Variants in ANGPT1 observed in about 807,000 individuals in gnomAD.
ANGPT1 encodes angiopoietin 1, also known as angiopoietin-1.
Under a neutral mutation model 62.2 loss-of-function variants are expected in ANGPT1, and 17 were observed. The observed-to-expected ratio is 0.27, with a 90% CI of 0.19 to 0.41. The LOEUF is 0.41. Ranked by LOEUF, ANGPT1 falls within the 10% of genes least tolerant of loss-of-function variation. The pLI is 1.00. For synonymous variants in ANGPT1, 199 were observed against 198.9 expected, an observed-to-expected ratio of 1.00 and a Z score of 0.00; for missense variants, 478 against 594.9, an observed-to-expected ratio of 0.80 and a Z score of 2.04.
At position 107,293,796 on chromosome 8, in the gene ANGPT1, T is replaced by C. The variant is rs59942412; in HGVS notation, c.1038+140A>G. On this transcript the variant is annotated intron_variant, in intron 6 of 8. Transcript: ENST00000517746. Reference sequence around the variant, plus strand: ...AAGTGATTTATGAGTGTTTTGTGTCTAATGAAAATAATACTAATGTATCAT... The same window carrying C: ...AAGTGATTTATGAGTGTTTTGTGTCCAATGAAAATAATACTAATGTATCAT... 1,516 of 605,250 alleles carry C rather than the reference T, an allele frequency of 2.5e-3. 16 individuals are homozygous for C. Among genetic ancestry groups the C allele is most frequent in the African/African-American group, 0.025 (1,318 of 52,848 alleles). 37.5% of individuals were successfully genotyped at this position (605,250 alleles called of 1,614,324 possible).
chr8:107,419,767 C>T (rs1256269538), intron 1 of ANGPT1, among the ~76,000 whole-genome samples: 1 of 151,976 alleles, frequency 6.6e-6, no homozygotes, highest in African/African-American at 2.4e-5. Flanking sequence ...TCAACCCAGC[C>T]AAAGCTTTGG....
chr8:107,392,447 T>A (rs1440731764), intron 1 of ANGPT1, among the ~76,000 whole-genome samples: 1 of 152,180 alleles, frequency 6.6e-6, no homozygotes, highest in East Asian at 1.9e-4. Flanking sequence ...ATAATAAGGA[T>A]GAGCTCCTGC....
At chr8:107,486,647 C>T (rs1812823150) in intron 1 of ANGPT1, among the ~76,000 whole-genome samples, 1 of 152,126 alleles carries the variant, frequency 6.6e-6, no homozygotes, top group Non-Finnish European at 1.5e-5. Flanking sequence ...ACTATTATCA[C>T]CTCAATTTCA....
chr8:107,352,867 A>G (rs886859133), intron 1 of ANGPT1, among the ~76,000 whole-genome samples: 1 of 152,170 alleles, frequency 6.6e-6, no homozygotes, highest in Non-Finnish European at 1.5e-5. Flanking sequence ...AAAACAATGC[A>G]AAAAATGCCT....
At chr8:107,454,883 G>A (rs1329606561) in intron 1 of ANGPT1, among the ~76,000 whole-genome samples, 1 of 152,030 alleles carries the variant, frequency 6.6e-6, no homozygotes, top group East Asian at 1.9e-4. Flanking sequence ...CAAACAATGG[G>A]AGATCTGTCT....
At chr8:107,424,881 A>C (rs891259153) in intron 1 of ANGPT1, among the ~76,000 whole-genome samples, 11 of 152,194 alleles carry the variant, frequency 7.2e-5, no homozygotes, top group African/African-American at 2.2e-4. Flanking sequence ...TTTTTTAAAA[A>C]AATATTTTTC....
Position 107,249,967 on chromosome 8 carries a change from A to G in ANGPT1, c.*1888T>C, listed in dbSNP as rs1813212224. 1 of 152,626 alleles carries G rather than the reference A, an allele frequency of 6.6e-6. No homozygotes were observed. 9.5% of individuals were successfully genotyped at this position (152,626 alleles called of 1,614,324 possible). On this transcript the variant is annotated 3_prime_UTR_variant, in exon 9 of 9. Transcript: ENST00000517746. ...AAGCCACCAAGAATAGAAAAATGGT[A>G]TAATACCTGCAAATATCACTTGTAA...
At chr8:107,264,491 A>T in intron 7 of ANGPT1, 140 bp from the exon 8 acceptor site, 1 of 1,038,808 alleles carries the variant, frequency 9.6e-7, no homozygotes, top group Non-Finnish European at 1.4e-6. Context: ...CCTCTAGGAG[A>T]CCCAAGCTAT....
chr8:107,413,056 T>C (rs1224816811), intron 1 of ANGPT1, among the ~76,000 whole-genome samples: 1 of 152,222 alleles, frequency 6.6e-6, no homozygotes, highest in African/African-American at 2.4e-5. Flanking sequence ...TGGCTTATGA[T>C]GTAACTAAGA....
intron 4 of ANGPT1, among the ~76,000 whole-genome samples, chr8:107,304,133 T>C (rs1403204065): frequency 6.6e-6 from 1 of 151,308 alleles, no homozygotes; most frequent in African/African-American, 2.4e-5. Flanking sequence ...GGTGAAAGAG[T>C]CACAGTAAAC....
chr8:107,371,557 CTT>C (rs1469315169), intron 1 of ANGPT1, among the ~76,000 whole-genome samples: 5 of 147,364 alleles, frequency 3.4e-5, no homozygotes, highest in South Asian at 2.2e-4. Flanking sequence ...TCCCCTCTCT[CTT>C]GGTGCTGAGC....
In ANGPT1 at chr8:107,461,564, C is replaced by T. The variant is rs1260413451; in HGVS notation, c.297+35698G>A. 2.5e-4 allele frequency among the ~76,000 whole-genome samples: 34 copies of T among 136,430 alleles called. No individual in the cohort carries two copies. The Admixed American group carries it at 2.5e-3, about 10-fold the overall frequency. The allele number at this position is 136,430 out of a possible 152,430, so 89.5% of individuals were successfully genotyped here. A position where few individuals can be genotyped will look rare whatever the true frequency, so the allele number is the denominator to read the frequency against. On this transcript the variant is annotated intron_variant, in intron 1 of 8. Coordinates refer to ENST00000517746, the MANE Select transcript of ANGPT1 (RefSeq NM_001146.5). ...ATAATAATGACACAACCACTGGTGT[C>T]CTAGAATGTCCTAGAATCAATAAAT...
chr8:107,378,517 T>A (rs1461315351), intron 1 of ANGPT1, among the ~76,000 whole-genome samples: 1 of 152,174 alleles, frequency 6.6e-6, no homozygotes, highest in Non-Finnish European at 1.5e-5. Flanking sequence ...CATATATACC[T>A]AACTATACTC....
chr8:107,269,658 C>T (rs1160320490), intron 7 of ANGPT1, among the ~76,000 whole-genome samples: 3 of 151,752 alleles, frequency 2.0e-5, no homozygotes, highest in Non-Finnish European at 4.4e-5. Flanking sequence ...AAGATAAAAA[C>T]AAAATGTTCC....
chr8:107,354,871 T>A (rs536229491), intron 1 of ANGPT1, among the ~76,000 whole-genome samples: 1 of 152,078 alleles, frequency 6.6e-6, no homozygotes, highest in South Asian at 2.1e-4. Context: ...CCTTGATTAG[T>A]CTTTTCCTTC....
At chr8:107,487,672 G>A (rs1230778548) in intron 1 of ANGPT1, among the ~76,000 whole-genome samples, 1 of 151,998 alleles carries the variant, frequency 6.6e-6, no homozygotes, top group African/African-American at 2.4e-5. Context: ...TTGGGAAAAC[G>A]GACTCATGGA....
In ANGPT1 at chr8:107,312,813, T is replaced by C. The variant is rs540500192; in HGVS notation, c.808+9083A>G. ...ATGTTAAGCAATCTGACAGCAGAGCTGGGACTAGAACAGAGATGTCATGAT... is the reference window on the plus strand; with the variant it reads ...ATGTTAAGCAATCTGACAGCAGAGCCGGGACTAGAACAGAGATGTCATGAT... On this transcript the variant is annotated intron_variant, in intron 4 of 8. Coordinates refer to ENST00000517746, the MANE Select transcript of ANGPT1 (RefSeq NM_001146.5). 1.2e-4 allele frequency among the ~76,000 whole-genome samples: 18 copies of C among 152,258 alleles called. No individual in the cohort carries two copies. The South Asian group carries it at 2.3e-3, about 19-fold the overall frequency.
rs867284926 is a variant in ANGPT1 at position 107,291,900 on chromosome 8, G to T, written c.1038+2036C>A. On this transcript the variant is annotated intron_variant, in intron 6 of 8. Transcript: ENST00000517746. ...CTATTTCCACTGAAGATGGGGGGGG[G>T]GGGGGGCTTGCCACTTAATAGGCAG... Among the ~76,000 whole-genome samples the T allele has an allele frequency of 5.6e-5, 8 of 144,116 alleles. No homozygotes were observed. In the South Asian group the frequency reaches 9.4e-4, roughly 17 times the overall value. 94.5% of individuals were successfully genotyped at this position (144,116 alleles called of 152,430 possible).
chr8:107,329,473 G>A (rs1382336702), intron 3 of ANGPT1, among the ~76,000 whole-genome samples: 3 of 152,098 alleles, frequency 2.0e-5, no homozygotes, highest in African/African-American at 7.2e-5. Context: ...GGCTGAATTA[G>A]TGAACCTCAG....
Sources: gnomAD v4.1 joint callset for allele counts (sites outside exome capture counted in the v4.1 genomes callset) on GRCh38, gnomAD v4.1.1 for gene constraint, MANE v1.5 for transcripts, NCBI Gene and HGNC (gene_info 2026-07-23, HGNC 2026-07-21) for gene names.